BCAS3: variants seen among roughly 807,000 people sequenced by gnomAD.
BCAS3 encodes the protein BCAS4/BCAS3 fusion.
In BCAS3, 53 loss-of-function variants were observed where a neutral mutation model predicts 116.1. That is an observed-to-expected ratio of 0.46 (90% CI 0.37 to 0.57). BCAS3 has a LOEUF of 0.57. Ranked by LOEUF, BCAS3 falls within the 20% of genes least tolerant of loss-of-function variation. BCAS3 has a pLI of 0.00. For synonymous variants in BCAS3, 391 were observed against 408.2 expected (o/e 0.96, Z 0.51); for missense variants, 917 against 1,165.4 (o/e 0.79, Z 3.10).
rs1402497895 is a variant in BCAS3 at position 61,256,216 on chromosome 17, A to G, written c.2426-112111A>G. 6.6e-6 allele frequency among the ~76,000 whole-genome samples: 1 copy of G among 152,204 alleles called. No homozygotes were observed. Among genetic ancestry groups the G allele is most frequent in the Non-Finnish European group, 1.5e-5 (1 of 68,038 alleles). Reference sequence around the variant, plus strand: ...TAGATCAGACTACCTGGGGTTGTCAAGCCTTCCATCTTCAAGCCAAGAGGT... The same window carrying G: ...TAGATCAGACTACCTGGGGTTGTCAGGCCTTCCATCTTCAAGCCAAGAGGT... On this transcript the variant is annotated intron_variant, in intron 22 of 23. Transcript: ENST00000407086. This position sits in a 1 kb window ranked among gnomAD's most constrained non-coding sequence, Gnocchi z 5.6.
At chr17:61,238,407 G>A (rs1320927155) in intron 22 of BCAS3, among the ~76,000 whole-genome samples, 1 of 151,992 alleles carries the variant, frequency 6.6e-6, no homozygotes, top group African/African-American at 2.4e-5. Flanking sequence ...ATTTTTAGTA[G>A]AGATGGGGTT....
At chr17:60,943,416 C>A (rs2060323885) in intron 13 of BCAS3, among the ~76,000 whole-genome samples, 1 of 151,984 alleles carries the variant, frequency 6.6e-6, no homozygotes, top group South Asian at 2.1e-4. Context: ...AAGTACCAAT[C>A]AAAACAAAGT....
chr17:61,185,795 A>G (rs1410243347), intron 22 of BCAS3, among the ~76,000 whole-genome samples: 1 of 152,206 alleles, frequency 6.6e-6, no homozygotes, highest in Non-Finnish European at 1.5e-5. Context: ...TGAGTGAGAA[A>G]TCGGTTACCT....
chr17:61,340,913 G>A (rs2057104107), intron 22 of BCAS3, among the ~76,000 whole-genome samples: 1 of 152,190 alleles, frequency 6.6e-6, no homozygotes, highest in Non-Finnish European at 1.5e-5. Flanking sequence ...TATGAGATTA[G>A]GATTGTGATG....
intron 22 of BCAS3, chr17:61,157,608 A>T (rs1249076718): frequency 1.8e-5 from 1 of 55,074 alleles, no homozygotes; most frequent in African/African-American, 6.9e-5. Flanking sequence ...CTTCCCCCCC[A>T]CCCGCCCCCA....
intron 6 of BCAS3, among the ~76,000 whole-genome samples, chr17:60,750,439 C>T (rs1323047250): frequency 6.6e-6 from 1 of 151,816 alleles, no homozygotes; most frequent in Admixed American, 6.6e-5. Flanking sequence ...CTTCTGTCAC[C>T]ACTTCTATTT....
rs565432833 is a variant in BCAS3, at chr17:61,162,234, A to T, written c.2425+77670A>T. ...ATGTGTATGGAGCCACGGTTCTTAC[A>T]GGAGTGGGTATGGTTCACATAGGAA... is the stretch of plus-strand genomic sequence containing the variant. On this transcript the variant is annotated intron_variant, in intron 22 of 23. Coordinates refer to ENST00000407086, the MANE Select transcript of BCAS3 (RefSeq NM_017679.5). The surrounding 1 kb of genome is among the most constrained non-coding windows in gnomAD (Gnocchi z 5.6). 1.3e-5 allele frequency among the ~76,000 whole-genome samples: 2 copies of T among 152,308 alleles called. No individual in the cohort carries two copies. Among genetic ancestry groups the T allele is most frequent in the South Asian group, 4.1e-4 (2 of 4,822 alleles).
At position 60,763,320 on chromosome 17, in the gene BCAS3, C is replaced by T. The variant is rs1158856138; in HGVS notation, c.403+16041C>T. On this transcript the variant is annotated intron_variant, in intron 6 of 23. Transcript: ENST00000407086. The stretch of plus-strand genomic sequence containing the variant: ...CAGTTTTTGCCCATTCAGTATGATA[C>T]TGGCTGTGGGTTTGTCTTAAATGGC... 2.6e-5 allele frequency among the ~76,000 whole-genome samples: 4 copies of T among 152,214 alleles called. No homozygotes were observed. The East Asian group carries it at 7.7e-4, about 29-fold the overall frequency.
chr17:60,829,058 A>C (rs911749639), intron 7 of BCAS3, among the ~76,000 whole-genome samples: 1 of 152,146 alleles, frequency 6.6e-6, no homozygotes. Flanking sequence ...GTCAAGTTTG[A>C]GAAACCCTGA....
intron 13 of BCAS3, among the ~76,000 whole-genome samples, chr17:60,945,032 C>T (rs189783483): frequency 6.6e-6 from 1 of 152,116 alleles, no homozygotes; most frequent in East Asian, 1.9e-4. Flanking sequence ...GTGATTGTTC[C>T]TAAACTACGT....
chr17:61,291,539 T>A (rs1056265301), intron 22 of BCAS3, among the ~76,000 whole-genome samples: 1 of 152,232 alleles, frequency 6.6e-6, no homozygotes, highest in Non-Finnish European at 1.5e-5. Context: ...GGTTCATATT[T>A]GCCGGGAAAA....
intron 7 of BCAS3, chr17:60,810,859 G>C (rs184793027): frequency 2.8e-6 from 2 of 703,646 alleles, no homozygotes; most frequent in African/African-American, 3.5e-5. Flanking sequence ...TGCCAGCTCT[G>C]GGTTGACCAT....
chr17:60,993,088 C>T lies in BCAS3; in HGVS notation c.1486+2853C>T, dbSNP rs1332519815. On this transcript the variant is annotated intron_variant, in intron 15 of 23. Transcript: ENST00000407086. The surrounding 1 kb of genome is among the most constrained non-coding windows in gnomAD (Gnocchi z 4.2). ...TATTCTTGCTTCTTTATACAGCAAACCACATAAGAGGTTTTTGTGTTAAGA... is the reference window on the plus strand; with the variant it reads ...TATTCTTGCTTCTTTATACAGCAAATCACATAAGAGGTTTTTGTGTTAAGA... Among the ~76,000 whole-genome samples, 3 of 152,122 alleles carry T rather than the reference C, an allele frequency of 2.0e-5. No individual in the cohort carries two copies. Among genetic ancestry groups the T allele is most frequent in the Non-Finnish European group, 4.4e-5 (3 of 68,014 alleles).
intron 6 of BCAS3, among the ~76,000 whole-genome samples, chr17:60,789,138 C>T (rs1005961640): frequency 6.6e-6 from 1 of 152,152 alleles, no homozygotes; most frequent in South Asian, 2.1e-4. Context: ...TTTCAGCATA[C>T]TTTTGCATAA....
At position 61,388,564 on chromosome 17, in the gene BCAS3, A is replaced by G. The variant is rs1158913413; in HGVS notation, c.2594-3413A>G. The G allele has an allele frequency of 7.3e-6, 11 of 1,498,518 alleles. No individual in the cohort carries two copies. Among genetic ancestry groups the G allele is most frequent in the Middle Eastern group, 1.7e-4 (1 of 5,920 alleles). The allele number at this position is 1,498,518 out of a possible 1,614,324, so 92.8% of individuals were successfully genotyped here. A position where few individuals can be genotyped will look rare whatever the true frequency, so the allele number is the denominator to read the frequency against. On this transcript the variant is annotated intron_variant, in intron 23 of 23. Transcript: ENST00000407086. This position sits in a 1 kb window ranked among gnomAD's most constrained non-coding sequence, Gnocchi z 6.5. Reference sequence around the variant, plus strand: ...CTTGCAGAGATCAGTGTACTTCTCAATCGTTGTCCATATCTTTTCCAAAAA... The same window carrying G: ...CTTGCAGAGATCAGTGTACTTCTCAGTCGTTGTCCATATCTTTTCCAAAAA...
intron 22 of BCAS3, among the ~76,000 whole-genome samples, chr17:61,177,588 C>T (rs2079218726): frequency 6.6e-6 from 1 of 152,122 alleles, no homozygotes; most frequent in Non-Finnish European, 1.5e-5. Context: ...CATGATTTAA[C>T]CTTTGGCAGT....
At chr17:60,847,866 C>T (rs988701001) in intron 7 of BCAS3, among the ~76,000 whole-genome samples, 2 of 139,110 alleles carry the variant, frequency 1.4e-5, no homozygotes, top group Non-Finnish European at 2.9e-5. Flanking sequence ...TTTATCTGTT[C>T]ATTCATTTGT....
rs548192385 is a variant in BCAS3, at chr17:60,953,874, G to C, written c.1221+6522G>C. On this transcript the variant is annotated intron_variant, in intron 14 of 23. Coordinates refer to ENST00000407086, the MANE Select transcript of BCAS3 (RefSeq NM_017679.5). ...TCAGCCTCCCGAGTAGCTGGGCTTA[G>C]AGGCACCTGCCACCACATCCAGCTA... Among the ~76,000 whole-genome samples, 42 of 151,782 alleles carry C rather than the reference G, an allele frequency of 2.8e-4. No homozygotes were observed. In the South Asian group the frequency reaches 8.8e-3, roughly 32 times the overall value.
chr17:61,359,796 C>CT lies in BCAS3; in HGVS notation c.2426-8524dup, dbSNP rs552163715. The stretch of plus-strand genomic sequence containing the variant: ...GTGAGCCACTGCGCCTGGCCAGGTT[C>CT]TTTTTTTGTAAAGGATTAAAGGCTA... On this transcript the variant is annotated intron_variant, in intron 22 of 23. Coordinates refer to ENST00000407086, the MANE Select transcript of BCAS3 (RefSeq NM_017679.5). Among the ~76,000 whole-genome samples the CT allele has an allele frequency of 2.4e-3, 368 of 152,078 alleles. 1 individual carries two copies. Among genetic ancestry groups the CT allele is most frequent in the African/African-American group, 8.5e-3 (354 of 41,518 alleles).
Sources: gnomAD v4.1 joint callset for allele counts (sites outside exome capture counted in the v4.1 genomes callset) on GRCh38, gnomAD v4.1.1 for gene constraint, Gnocchi (gnomAD v3.1) non-coding constraint, MANE v1.5 for transcripts, NCBI Gene and HGNC (gene_info 2026-07-23, HGNC 2026-07-21) for gene names.